Variants in GALNT17 observed in about 807,000 individuals in gnomAD.
The protein encoded by GALNT17 is UDP-GalNAc:polypeptide N-acetylgalactosaminyltransferase-like 3.
In GALNT17, 29 loss-of-function variants were observed where a neutral mutation model predicts 63.7. The observed-to-expected ratio is 0.46, with a 90% CI of 0.34 to 0.62. The LOEUF is 0.62. Ranked by LOEUF, GALNT17 falls within the 20% of genes least tolerant of loss-of-function variation. The pLI is 0.01. For synonymous variants in GALNT17, 305 were observed against 318.3 expected (o/e 0.96, Z 0.45); for missense variants, 603 against 799.6 (o/e 0.75, Z 2.97).
At chr7:71,591,906 G>T (rs546948953) in intron 6 of GALNT17, among the ~76,000 whole-genome samples, 2 of 152,164 alleles carry the variant, frequency 1.3e-5, no homozygotes, top group Admixed American at 1.3e-4. Context: ...CAGGTGATCC[G>T]CCTGCCTCGG....
intron 1 of GALNT17, among the ~76,000 whole-genome samples, chr7:71,292,871 C>G (rs1446058782): frequency 6.6e-6 from 1 of 152,108 alleles, no homozygotes; most frequent in East Asian, 1.9e-4. Context: ...CTTCCCTCCC[C>G]CCATCCTCTG....
chr7:71,549,959 CCTG>C (rs1789049007), intron 5 of GALNT17, among the ~76,000 whole-genome samples: 2 of 151,274 alleles, frequency 1.3e-5, no homozygotes, highest in Admixed American at 1.3e-4. Flanking sequence ...AAAACCGTCT[CCTG>C]CTTGTCTTTC....
intron 9 of GALNT17, among the ~76,000 whole-genome samples, chr7:71,691,423 CT>C (rs1791441544): frequency 6.6e-6 from 1 of 152,120 alleles, no homozygotes; most frequent in Non-Finnish European, 1.5e-5. Context: ...TGTGACTTGC[CT>C]TTTTATTGCA....
intron 1 of GALNT17, among the ~76,000 whole-genome samples, chr7:71,143,438 A>G (rs1787955348): frequency 6.6e-6 from 1 of 151,506 alleles, no homozygotes; most frequent in Admixed American, 6.6e-5. Context: ...AAGAAAAGAA[A>G]TGGATGCCCT....
intron 5 of GALNT17, 94 bp from the exon 6 acceptor site, chr7:71,571,191 C>G: frequency 9.3e-7 from 1 of 1,080,710 alleles, no homozygotes; most frequent in East Asian, 2.4e-5. Context: ...CCAGTACATG[C>G]TAGACCGGAA....
intron 1 of GALNT17, among the ~76,000 whole-genome samples, chr7:71,208,876 G>A (rs573299877): frequency 1.1e-4 from 16 of 152,100 alleles, no homozygotes; most frequent in South Asian, 6.2e-4. Flanking sequence ...CATTACACTC[G>A]GAGGAAACAA....
At chr7:71,451,113 A>G (rs7778628) in intron 5 of GALNT17, among the ~76,000 whole-genome samples, 23,165 of 151,874 alleles carry the variant, frequency 0.15, 1,826 homozygotes, top group Middle Eastern at 0.21. Flanking sequence ...CTGGTGTGTG[A>G]TGTTCCCCTT....
intron 9 of GALNT17, among the ~76,000 whole-genome samples, chr7:71,709,497 G>A (rs973808451): frequency 6.6e-6 from 1 of 151,932 alleles, no homozygotes; most frequent in African/African-American, 2.4e-5. Flanking sequence ...CCTCCCTCCA[G>A]CCCAATAGTG....
At chr7:71,512,275 G>C (rs1166750443) in intron 5 of GALNT17, among the ~76,000 whole-genome samples, 1 of 152,010 alleles carries the variant, frequency 6.6e-6, no homozygotes, top group African/African-American at 2.4e-5. Flanking sequence ...CAAAGTGCTG[G>C]GATTATAAGT....
At chr7:71,675,642 T>G (rs1270635572) in intron 8 of GALNT17, among the ~76,000 whole-genome samples, 1 of 151,092 alleles carries the variant, frequency 6.6e-6, no homozygotes, top group African/African-American at 2.4e-5. Flanking sequence ...AAGAAAGAAT[T>G]TAAAAATCTG....
At chr7:71,216,827 T>C (rs1412319889) in intron 1 of GALNT17, among the ~76,000 whole-genome samples, 31 of 152,194 alleles carry the variant, frequency 2.0e-4, no homozygotes. Flanking sequence ...TTTATTACTA[T>C]AGTAGTTATA....
In GALNT17 at chr7:71,435,371, T is replaced by C. The variant is rs112265795; in HGVS notation, c.962+14266T>C. Among the ~76,000 whole-genome samples the C allele has an allele frequency of 3.7e-3, 568 of 152,298 alleles. 2 individuals carry two copies. Among genetic ancestry groups the C allele is most frequent in the African/African-American group, 0.013 (543 of 41,554 alleles). On this transcript the variant is annotated intron_variant, in intron 5 of 10. Transcript: ENST00000333538. The stretch of plus-strand genomic sequence containing the variant: ...TTTAAAACAAAGATGATAACAGCCC[T>C]TTCCCAAAACAAACCTCCTCTTGCC...
chr7:71,468,769 C>G (rs376469162), intron 5 of GALNT17, among the ~76,000 whole-genome samples: 1 of 152,078 alleles, frequency 6.6e-6, no homozygotes, highest in Non-Finnish European at 1.5e-5. Flanking sequence ...TGGTGCTACA[C>G]GGTGCATTTT....
intron 10 of GALNT17, among the ~76,000 whole-genome samples, 161 bp from the exon 11 acceptor site, chr7:71,711,857 C>T (rs1329850642): frequency 6.6e-6 from 1 of 150,826 alleles, no homozygotes; most frequent in African/African-American, 2.4e-5. Flanking sequence ...CTCTTTCTGT[C>T]TTCTCTTTGC....
intron 5 of GALNT17, among the ~76,000 whole-genome samples, chr7:71,453,952 C>T (rs929852871): frequency 6.6e-6 from 1 of 152,210 alleles, no homozygotes; most frequent in Non-Finnish European, 1.5e-5. Flanking sequence ...GCTTTTCTCA[C>T]TGTGTTCTGG....
chr7:71,286,692 T>G (rs1456947850), intron 1 of GALNT17, among the ~76,000 whole-genome samples: 2 of 152,128 alleles, frequency 1.3e-5, no homozygotes, highest in Non-Finnish European at 2.9e-5. Flanking sequence ...TAGGCCTTCC[T>G]GAGCCTTGGT....
At chr7:71,409,543 G>C (rs777248203) in intron 3 of GALNT17, among the ~76,000 whole-genome samples, 2 of 152,204 alleles carry the variant, frequency 1.3e-5, no homozygotes, top group Admixed American at 1.3e-4. Flanking sequence ...TAACAACTGT[G>C]TGAGGGTTGA....
At chr7:71,669,831 G>T in intron 7 of GALNT17, 141 bp from the exon 8 acceptor site, 2 of 1,023,052 alleles carry the variant, frequency 2.0e-6, no homozygotes, top group South Asian at 1.7e-5. Flanking sequence ...AAAGTGCTGG[G>T]ATTACAGGCA....
intron 8 of GALNT17, among the ~76,000 whole-genome samples, chr7:71,674,435 T>C (rs1791117815): frequency 6.6e-6 from 1 of 151,468 alleles, no homozygotes; most frequent in Admixed American, 6.6e-5. Context: ...AGCCAAGAAC[T>C]CCTCTGCTCA....
Sources: gnomAD v4.1 joint callset for allele counts (sites outside exome capture counted in the v4.1 genomes callset) on GRCh38, gnomAD v4.1.1 for gene constraint, MANE v1.5 for transcripts, NCBI Gene and HGNC (gene_info 2026-07-23, HGNC 2026-07-21) for gene names.